The following CEP72 variants were observed in gnomAD, a reference collection of about 807,000 sequenced individuals.
CEP72 encodes the protein centrosomal protein of 72 kDa.
Under a neutral mutation model 65.7 loss-of-function variants are expected in CEP72, and 78 were observed. That is an observed-to-expected ratio of 1.19 (90% CI 0.99 to 1.43). The LOEUF is 1.43. Ranked by LOEUF, CEP72 falls within the 40% of genes most tolerant of loss-of-function variation. CEP72 has a pLI of 0.00. For synonymous variants in CEP72, 358 were observed against 351.7 expected, an observed-to-expected ratio of 1.02 and a Z score of -0.20; for missense variants, 914 against 832.9, an observed-to-expected ratio of 1.10 and a Z score of -1.20.
intron 4 of CEP72, among the ~76,000 whole-genome samples, chr5:631,799 G>A (rs1357687569): frequency 1.8e-4 from 9 of 50,372 alleles, no homozygotes; most frequent in African/African-American, 3.7e-4. Context: ...GCCGGGATTT[G>A]GCCCAGTCCT....
intron 4 of CEP72, among the ~76,000 whole-genome samples, chr5:666,390 G>C (rs1046039919): frequency 9.2e-5 from 14 of 152,366 alleles, no homozygotes; most frequent in Non-Finnish European, 1.8e-4. Flanking sequence ...CTGGGGCAGT[G>C]CCGGAGGCCA....
At chr5:673,056 G>T in the CEP72 span, among the ~76,000 whole-genome samples, 1 of 152,164 alleles carries the variant, frequency 6.6e-6, no homozygotes, top group Non-Finnish European at 1.5e-5. Context: ...GCAGCTTTCT[G>T]CAGTACCGAA....
intron 3 of CEP72, among the ~76,000 whole-genome samples, chr5:621,600 C>T (rs1429279403): frequency 3.9e-5 from 6 of 152,206 alleles, no homozygotes; most frequent in African/African-American, 1.4e-4. Context: ...AGCTGCACAC[C>T]AGAGGTGGGA....
chr5:640,899 G>A (rs1300742491), intron 9 of CEP72: 7 of 985,364 alleles, frequency 7.1e-6, no homozygotes, highest in African/African-American at 3.5e-5. Context: ...AGGCCTGGAC[G>A]TGACTTTGTC....
intron 4 of CEP72, among the ~76,000 whole-genome samples, chr5:631,760 A>G (rs1423795570): frequency 5.7e-5 from 3 of 52,880 alleles, no homozygotes; most frequent in Admixed American, 2.1e-4. Context: ...GCCGGGATTT[A>G]GACCAGTCCT....
At chr5:634,069 T>C (rs1737420262) in intron 5 of CEP72, 122 bp downstream of exon 5, 2 of 822,304 alleles carry the variant, frequency 2.4e-6, no homozygotes, top group Admixed American at 5.3e-5. Flanking sequence ...GATAGGATCT[T>C]CATGATGTGT....
In CEP72 at chr5:649,742, C is replaced by T. The variant is rs868147884; in HGVS notation, c.1778+1826C>T. Among the ~76,000 whole-genome samples the T allele has an allele frequency of 2.0e-3, 68 of 34,478 alleles. 3 individuals are homozygous for T. Among genetic ancestry groups the T allele is most frequent in the African/African-American group, 0.019 (60 of 3,198 alleles). The allele number at this position is 34,478 out of a possible 152,430, so 22.6% of individuals were successfully genotyped here. Reference sequence around the variant, plus strand: ...TGACCGTGAGGCGTGGACTGTGAGGCGTGGACTGTGAGGTGTGACTGTGAG... The same window carrying T: ...TGACCGTGAGGCGTGGACTGTGAGGTGTGGACTGTGAGGTGTGACTGTGAG... On this transcript the variant is annotated intron_variant, in intron 11 of 11. Coordinates refer to ENST00000264935, the MANE Select transcript of CEP72 (RefSeq NM_018140.4).
chr5:641,397 A>G (rs1017433286), intron 9 of CEP72: 20 of 985,288 alleles, frequency 2.0e-5, no homozygotes, highest in Non-Finnish European at 1.9e-5. Flanking sequence ...AGCATCTTTA[A>G]ATTGCGAGTG....
chr5:619,155 C>T lies in CEP72; in HGVS notation c.210+38C>T, dbSNP rs751664014. 3 of 1,592,302 alleles carry T rather than the reference C, an allele frequency of 1.9e-6. No homozygotes were observed. The Admixed American group carries it at 5.0e-5, about 27-fold the overall frequency. On this transcript the variant is annotated intron_variant, in intron 2 of 11. Transcript: ENST00000264935. ...TCTCTTTCTTAAAATTTATTGCTAT[C>T]AACATCAGTGGAAAGTCCATTCACA...
At chr5:669,951 G>GA (rs1740148674), downstream of CEP72, among the ~76,000 whole-genome samples, 1 of 152,130 alleles carries the variant, frequency 6.6e-6, no homozygotes. Context: ...TCCGAGTGTG[G>GA]AGCTCGGCAT....
chr5:648,022 C>T (rs574490296), intron 11 of CEP72, 106 bp downstream of exon 11: 2 of 669,858 alleles, frequency 3.0e-6, no homozygotes, highest in East Asian at 5.4e-5. Flanking sequence ...GGAGCAGCTC[C>T]TCATGAGTCT....
chr5:635,122 T>C (rs1737497825), intron 5 of CEP72, among the ~76,000 whole-genome samples: 1 of 152,222 alleles, frequency 6.6e-6, no homozygotes, highest in African/African-American at 2.4e-5. Context: ...TGTCTGACTT[T>C]GCTCCACTTC....
intron 10 of CEP72, among the ~76,000 whole-genome samples, chr5:646,799 G>A (rs541121105): frequency 5.9e-5 from 9 of 152,306 alleles, no homozygotes; most frequent in Non-Finnish European, 1.0e-4. Context: ...AGAGCTGACG[G>A]CCACCCACTG....
At chr5:622,262 T>C (rs772426631) in intron 3 of CEP72, among the ~76,000 whole-genome samples, 2 of 152,246 alleles carry the variant, frequency 1.3e-5, no homozygotes, top group African/African-American at 2.4e-5. Flanking sequence ...TTGACCATTT[T>C]TCAGTAACTA....
At chr5:666,358 G>A (rs1406926838) in intron 4 of CEP72, among the ~76,000 whole-genome samples, 4 of 152,260 alleles carry the variant, frequency 2.6e-5, no homozygotes, top group Non-Finnish European at 5.9e-5. Context: ...CTGACACAGG[G>A]TGTGTGCGGG....
intron 1 of CEP72, among the ~76,000 whole-genome samples, chr5:615,608 T>C (rs994049380): frequency 5.9e-5 from 9 of 152,234 alleles, no homozygotes; most frequent in Admixed American, 5.2e-4. Flanking sequence ...TCCTGGTTCA[T>C]TATTTTTATT....
intron 10 of CEP72, among the ~76,000 whole-genome samples, chr5:644,847 G>C (rs553614075): frequency 6.6e-6 from 1 of 152,192 alleles, no homozygotes. Flanking sequence ...TTGCATTTCT[G>C]GTGAACCCGT....
At chr5:613,555 C>G (rs905351298) in intron 1 of CEP72, among the ~76,000 whole-genome samples, 2 of 152,096 alleles carry the variant, frequency 1.3e-5, no homozygotes, top group African/African-American at 4.8e-5. Flanking sequence ...TTAGTAGAGA[C>G]GGGGTTTCAC....
Position 623,972 on chromosome 5 carries a change from G to T in CEP72, c.404-499G>T, listed in dbSNP as rs1736568470. ...AAAGCGCCAAGGTTGAAGGCCTGGGGACCTTCTTATCTTCAGGGATTTACA... is the reference window on the plus strand; with the variant it reads ...AAAGCGCCAAGGTTGAAGGCCTGGGTACCTTCTTATCTTCAGGGATTTACA... On this transcript the variant is annotated intron_variant, in intron 3 of 11. Coordinates refer to ENST00000264935, the MANE Select transcript of CEP72 (RefSeq NM_018140.4). The surrounding 1 kb of genome is among the most constrained non-coding windows in gnomAD (Gnocchi z 5.3). 6.6e-6 allele frequency among the ~76,000 whole-genome samples: 1 copy of T among 152,254 alleles called. No individual in the cohort carries two copies. The highest frequency in any genetic ancestry group is 2.1e-4 in the South Asian group (1 of 4,810).
Sources: gnomAD v4.1 joint callset for allele counts (sites outside exome capture counted in the v4.1 genomes callset) on GRCh38, gnomAD v4.1.1 for gene constraint, Gnocchi (gnomAD v3.1) non-coding constraint, MANE v1.5 for transcripts, NCBI Gene and HGNC (gene_info 2026-07-23, HGNC 2026-07-21) for gene names.